Variants in DNAJC13 observed in about 807,000 individuals in gnomAD.
The protein encoded by DNAJC13 is dnaJ homolog subfamily C member 13.
In DNAJC13, 75 loss-of-function variants were observed where a neutral mutation model predicts 290.5. The observed-to-expected ratio is 0.26, with a 90% CI of 0.21 to 0.31. DNAJC13 has a LOEUF of 0.31. Among genes scored for constraint, DNAJC13 ranks in the 10% least tolerant of loss-of-function variants. The pLI, the probability that DNAJC13 is intolerant of heterozygous loss-of-function variation, is 1.00. For synonymous variants in DNAJC13, 862 were observed against 892.0 expected (o/e 0.97, Z 0.60); for missense variants, 2,260 against 2,674.5 (o/e 0.85, Z 3.42).
At chr3:132,524,133 G>GA (rs1936179308) in intron 51 of DNAJC13, 1 of 154,420 alleles carries the variant, frequency 6.5e-6, no homozygotes, top group Non-Finnish European at 1.4e-5. Flanking sequence ...ATTGACAGAA[G>GA]AGTAGTAACT....
At chr3:132,470,034 A>AG (rs1934144438) in intron 20 of DNAJC13, among the ~76,000 whole-genome samples, 1 of 92,702 alleles carries the variant, frequency 1.1e-5, no homozygotes, top group Non-Finnish European at 2.0e-5. Context: ...TTTCTCACAG[A>AG]GGGGGATTTG....
At position 132,467,158 on chromosome 3, in the gene DNAJC13, A is replaced by G. The variant is rs1253657212; in HGVS notation, c.2065-12A>G. ...AAACAGGCATGTAATGGATTCCAAC[A>G]TTATTTTACAGGATCAGTATGGAAA... is the stretch of plus-strand genomic sequence containing the variant. On this transcript the variant is annotated splice_polypyrimidine_tract_variant and intron_variant, in intron 19 of 55. Coordinates refer to ENST00000260818, the MANE Select transcript of DNAJC13 (RefSeq NM_015268.4). 24 of 1,606,868 alleles carry G rather than the reference A, an allele frequency of 1.5e-5. No homozygotes were observed. The highest frequency in any genetic ancestry group is 2.0e-5 in the Non-Finnish European group (23 of 1,177,822).
chr3:132,487,295 C>G (rs771932845), intron 29 of DNAJC13, among the ~76,000 whole-genome samples: 2 of 151,908 alleles, frequency 1.3e-5, no homozygotes, highest in Non-Finnish European at 2.9e-5. Context: ...TTTACTCTGT[C>G]GCCCAGGTTG....
At chr3:132,489,126 G>A (rs1559894115) in intron 31 of DNAJC13, 105 bp downstream of exon 31, 1 of 838,214 alleles carries the variant, frequency 1.2e-6, no homozygotes, top group South Asian at 1.7e-5. Context: ...AAGTACTTGA[G>A]GGTAGGTATT....
chr3:132,489,474 G>T (rs543570496), intron 31 of DNAJC13, among the ~76,000 whole-genome samples: 5 of 150,248 alleles, frequency 3.3e-5, no homozygotes, highest in East Asian at 2.0e-4. Flanking sequence ...TTACTGTGGG[G>T]TTAAGCTGGG....
chr3:132,511,431 G>A lies in DNAJC13; in HGVS notation c.5293+187G>A, dbSNP rs141540528. Among the ~76,000 whole-genome samples, 18 of 152,182 alleles carry A rather than the reference G, an allele frequency of 1.2e-4. 1 individual carries two copies. In the East Asian group the frequency reaches 3.5e-3, roughly 29 times the overall value. On this transcript the variant is annotated intron_variant, in intron 44 of 55. Coordinates refer to ENST00000260818, the MANE Select transcript of DNAJC13 (RefSeq NM_015268.4). ...AGTTAAGCTGGGGAGAGAGGTCAAG[G>A]CACTATGTTTAGAAAAATTCATGTC...
chr3:132,533,681 A>T (rs542774986), intron 55 of DNAJC13, among the ~76,000 whole-genome samples: 1 of 152,122 alleles, frequency 6.6e-6, no homozygotes, highest in Non-Finnish European at 1.5e-5. Context: ...CTAAGAGTAA[A>T]TTGGCCCTGA....
At chr3:132,484,134 A>C (rs1364598267) in intron 28 of DNAJC13, among the ~76,000 whole-genome samples, 1 of 152,248 alleles carries the variant, frequency 6.6e-6, no homozygotes, top group African/African-American at 2.4e-5. Flanking sequence ...AAACACTTGA[A>C]GTTTTCATGG....
intron 20 of DNAJC13, among the ~76,000 whole-genome samples, chr3:132,469,960 ATTCTTTT>A (rs1934132740): frequency 6.8e-5 from 2 of 29,264 alleles, no homozygotes; most frequent in African/African-American, 2.3e-4. Flanking sequence ...TGGAGCAGAG[ATTCTTTT>A]TTTTTTTTTT....
At chr3:132,477,709 A>C in intron 22 of DNAJC13, 80 bp from the exon 23 acceptor site, 1 of 972,210 alleles carries the variant, frequency 1.0e-6, no homozygotes, top group Non-Finnish European at 1.6e-6. Context: ...TTGAACAGAA[A>C]GAACTATAAG....
chr3:132,536,660 A>AT (rs1232923293), intron 55 of DNAJC13, among the ~76,000 whole-genome samples: 3 of 152,166 alleles, frequency 2.0e-5, no homozygotes, highest in African/African-American at 7.2e-5. Context: ...TGCAGTAATC[A>AT]TGCTGCAGCC....
chr3:132,467,365 T>C, intron 20 of DNAJC13, 52 bp downstream of exon 20: 2 of 1,592,588 alleles, frequency 1.3e-6, no homozygotes, highest in Non-Finnish European at 1.7e-6. Flanking sequence ...TGTCCTAGTC[T>C]ACTTTAGTTC....
In DNAJC13 at chr3:132,507,256, A is replaced by C. The variant is rs79953286; in HGVS notation, c.5018A>C (p.Tyr1673Ser). 6.2e-7 allele frequency: 1 copy of C among 1,609,024 alleles called. No individual in the cohort carries two copies. The highest frequency in any genetic ancestry group is 1.3e-5 in the African/African-American group (1 of 74,846). ...MIKKGDCDKT[Y>S]GSEFVYSDHA... ...AAAAAGGGTGATTGTGACAAAACTT[A>C]TGGATCAGAATTTGTCTACAGTGAT... Residue 1673 changes from tyrosine to serine, a missense_variant, in exon 43 of 56, where the codon TAT becomes TCT. This residue lies in a region of DNAJC13 where 1,494 missense variants were observed against 1,693.7 expected (regional missense o/e 0.88). Transcript: ENST00000260818.
intron 55 of DNAJC13, 105 bp from the exon 56 acceptor site, chr3:132,538,071 G>C: frequency 1.3e-6 from 1 of 778,996 alleles, no homozygotes; most frequent in Non-Finnish European, 2.1e-6. Context: ...TAGATGATTA[G>C]TTTTGTGTGA....
At chr3:132,516,581 G>A (rs1260096940) in intron 47 of DNAJC13, 85 bp downstream of exon 47, 1 of 1,540,562 alleles carries the variant, frequency 6.5e-7, no homozygotes. Flanking sequence ...TGATAAACTA[G>A]AAGAATGCTT....
At chr3:132,527,058 A>G (rs2107749512) in intron 53 of DNAJC13, among the ~76,000 whole-genome samples, 1 of 152,220 alleles carries the variant, frequency 6.6e-6, no homozygotes, top group East Asian at 1.9e-4. Context: ...CTAATAATAC[A>G]TTGTATATTT....
rs747428075 is a variant in DNAJC13, at chr3:132,514,628, G to C, written c.5443G>C (p.Val1815Leu). The C allele has an allele frequency of 2.5e-6, 4 of 1,611,754 alleles. No individual in the cohort carries two copies. The highest frequency in any genetic ancestry group is 3.4e-6 in the Non-Finnish European group (4 of 1,178,906). The change falls in exon 46 of 56, where the codon GTT (valine) becomes CTT (leucine). Residue 1815 changes from valine (V) to leucine (L), a missense_variant. Val to Leu is a conservative substitution (Grantham distance 32). This residue lies in a region of DNAJC13 where 1,494 missense variants were observed against 1,693.7 expected (regional missense o/e 0.88). Coordinates refer to ENST00000260818, the MANE Select transcript of DNAJC13 (RefSeq NM_015268.4). Reference sequence around the variant, plus strand: ...TGTCAACAATATTGCTGAATCAATGGTTTTGTCCAGTTTATTGGCTCTTCT... The same window carrying C: ...TGTCAACAATATTGCTGAATCAATGCTTTTGTCCAGTTTATTGGCTCTTCT... ...DCVNNIAESM[V>L]LSSLLALLHS...
chr3:132,427,433 G>T (rs1267503493), intron 1 of DNAJC13, among the ~76,000 whole-genome samples: 1 of 151,854 alleles, frequency 6.6e-6, no homozygotes, highest in Non-Finnish European at 1.5e-5. Context: ...CATCGCACCC[G>T]GCAATATTTT....
At position 132,516,450 on chromosome 3, in the gene DNAJC13, T is replaced by C. The variant is rs766001769; in HGVS notation, c.5514T>C (p.Tyr1838=). The stretch of plus-strand genomic sequence containing the variant: ...GTCAGCTTGTTCTGGAAACTCTTTA[T>C]GCTTTGACATCGAGTACAAAAATAA... ...SSRQLVLETL[Y]ALTSSTKIIK... is the part of the protein sequence containing the mutation. Residue 1838 remains tyrosine, a synonymous_variant, in exon 47 of 56, where the codon TAT becomes TAC. Coordinates refer to ENST00000260818, the MANE Select transcript of DNAJC13 (RefSeq NM_015268.4). 8 of 1,613,732 alleles carry C rather than the reference T, an allele frequency of 5.0e-6. No individual in the cohort carries two copies. Among genetic ancestry groups the C allele is most frequent in the South Asian group, 1.1e-5 (1 of 91,086 alleles).
Sources: gnomAD v4.1 joint callset for allele counts (sites outside exome capture counted in the v4.1 genomes callset) on GRCh38, gnomAD v4.1.1 for gene constraint, gnomAD v4.1.1 regional missense constraint, MANE v1.5 for transcripts, NCBI Gene and HGNC (gene_info 2026-07-23, HGNC 2026-07-21) for gene names.